Variants in SLC36A1 observed in about 807,000 individuals in gnomAD.
The protein encoded by SLC36A1 is proton-coupled amino acid transporter 1.
A neutral mutation model predicts 47.5 loss-of-function variants in SLC36A1; 30 were observed. The observed-to-expected ratio is 0.63, with a 90% CI of 0.47 to 0.86. The LOEUF is 0.86. Among genes scored for constraint, SLC36A1 ranks in the 40% least tolerant of loss-of-function variants. The pLI is 0.00. For missense variants in SLC36A1, 517 were observed against 606.0 expected, an observed-to-expected ratio of 0.85 and a Z score of 1.54; for synonymous variants, 255 against 249.7, an observed-to-expected ratio of 1.02 and a Z score of -0.20.
the SLC36A1 span, among the ~76,000 whole-genome samples, chr5:151,387,789 T>C: frequency 6.6e-6 from 1 of 152,204 alleles, no homozygotes. Context: ...AAGGACTCTT[T>C]GTCTTTTTGA....
chr5:151,525,501 C>T, the SLC36A1 span, among the ~76,000 whole-genome samples: 1 of 152,134 alleles, frequency 6.6e-6, no homozygotes, highest in Non-Finnish European at 1.5e-5. Flanking sequence ...TGAAGCAACC[C>T]ACCTTTGCCA....
the SLC36A1 span, chr5:151,544,918 A>C: frequency 6.2e-7 from 1 of 1,614,086 alleles, no homozygotes; most frequent in Admixed American, 1.7e-5. Flanking sequence ...CAGATGCTTA[A>C]ATTTGGGGGG....
At chr5:151,487,936 T>G in intron 10 of SLC36A1, 47 bp from the exon 11 acceptor site, 2 of 1,604,870 alleles carry the variant, frequency 1.2e-6, no homozygotes, top group Non-Finnish European at 1.7e-6. Flanking sequence ...AGACAGACCT[T>G]TCCCAGCTCT....
intron 1 of SLC36A1, among the ~76,000 whole-genome samples, chr5:151,449,295 ACT>A (rs1447125886): frequency 3.3e-5 from 5 of 152,106 alleles, no homozygotes; most frequent in East Asian, 1.9e-4. Context: ...CCCTCTTCTG[ACT>A]CTTGTCTAGA....
rs146833044 is a variant in SLC36A1, at chr5:151,487,330, G to A, written c.1160-653G>A. 8.1e-3 allele frequency among the ~76,000 whole-genome samples: 1,237 copies of A among 152,336 alleles called. 7 individuals are homozygous for A. The highest frequency in any genetic ancestry group is 0.011 in the Non-Finnish European group (770 of 68,038). The stretch of plus-strand genomic sequence containing the variant: ...CTGCGGCAGTGCACCATTGGTCTTC[G>A]TCAGTTCCTCCTTCCTGGCTCACCC... On this transcript the variant is annotated intron_variant, in intron 10 of 10. Transcript: ENST00000243389.
At chr5:151,405,344 T>TC in the SLC36A1 span, among the ~76,000 whole-genome samples, 2 of 67,446 alleles carry the variant, frequency 3.0e-5, no homozygotes, top group Non-Finnish European at 5.4e-5. Context: ...TCTCTTTCTC[T>TC]TTTTTTTTTT....
intron 1 of SLC36A1, among the ~76,000 whole-genome samples, chr5:151,457,595 G>A (rs1754754692): frequency 1.3e-5 from 2 of 152,138 alleles, no homozygotes; most frequent in South Asian, 4.1e-4. Flanking sequence ...GAGGGCCAGG[G>A]TGAGCACCTT....
chr5:151,407,604 TC>T, the SLC36A1 span, among the ~76,000 whole-genome samples: 1 of 152,038 alleles, frequency 6.6e-6, no homozygotes, highest in East Asian at 1.9e-4. Flanking sequence ...GTTCTCCAAG[TC>T]CCCACCCGAC....
the SLC36A1 span, among the ~76,000 whole-genome samples, chr5:151,404,876 G>C: frequency 6.6e-6 from 1 of 152,258 alleles, no homozygotes; most frequent in Middle Eastern, 3.4e-3. Flanking sequence ...TCTGATGACT[G>C]TGTGTCTTGT....
chr5:151,507,187 C>T, the SLC36A1 span: 1 of 1,602,564 alleles, frequency 6.2e-7, no homozygotes, highest in Non-Finnish European at 8.5e-7. Flanking sequence ...CTCTTAATGA[C>T]AGGCTCATTG....
chr5:151,547,339 T>C, the SLC36A1 span, among the ~76,000 whole-genome samples: 1 of 152,228 alleles, frequency 6.6e-6, no homozygotes, highest in Non-Finnish European at 1.5e-5. Flanking sequence ...TTGTTCTTCA[T>C]TCTATCAGGG....
chr5:151,479,809 C>T (rs1246762307), intron 10 of SLC36A1: 4 of 524,994 alleles, frequency 7.6e-6, no homozygotes, highest in Non-Finnish European at 1.3e-5. Flanking sequence ...GGTCTGAAAG[C>T]CATTTAACCC....
the SLC36A1 span, chr5:151,380,941 G>T: frequency 2.5e-6 from 1 of 397,288 alleles, no homozygotes. Context: ...AGATTTTGCT[G>T]TTAGCTAATT....
chr5:151,467,988 G>A (rs747173968), intron 7 of SLC36A1, 63 bp downstream of exon 7: 214 of 1,426,308 alleles, frequency 1.5e-4, no homozygotes, highest in Non-Finnish European at 1.8e-4. Context: ...AGGCGTGGTA[G>A]CTCATGCCTG....
the SLC36A1 span, chr5:151,537,872 C>T: frequency 1.2e-6 from 2 of 1,614,168 alleles, no homozygotes; most frequent in Middle Eastern, 1.6e-4. Flanking sequence ...TATCAGTGTC[C>T]AAGTCTGTGG....
At chr5:151,547,253 A>G in the SLC36A1 span, among the ~76,000 whole-genome samples, 2 of 152,238 alleles carry the variant, frequency 1.3e-5, no homozygotes, top group African/African-American at 2.4e-5. Context: ...CCTGTGAGCT[A>G]TCCTCTTTCT....
At chr5:151,372,602 C>T in the SLC36A1 span, among the ~76,000 whole-genome samples, 474 of 152,152 alleles carry the variant, frequency 3.1e-3, 2 homozygotes, top group African/African-American at 0.011. Context: ...TGTCACCACG[C>T]CCATCTATTT....
At chr5:151,426,987 G>T in the SLC36A1 span, among the ~76,000 whole-genome samples, 1 of 152,206 alleles carries the variant, frequency 6.6e-6, no homozygotes, top group African/African-American at 2.4e-5. Context: ...ACAGCACATG[G>T]TTCTGCGAGC....
the SLC36A1 span, among the ~76,000 whole-genome samples, chr5:151,415,246 T>G: frequency 0.022 from 3,374 of 152,200 alleles, 124 homozygotes; most frequent in African/African-American, 0.077. Context: ...AGACTATTGA[T>G]TATATTATGT....
Sources: allele counts gnomAD v4.1 joint callset (sites outside exome capture counted in the v4.1 genomes callset), GRCh38; gene constraint gnomAD v4.1.1; transcripts MANE v1.5; gene names NCBI Gene and HGNC (gene_info 2026-07-23, HGNC 2026-07-21).